Variants in ASIC2 observed in about 807,000 individuals in gnomAD.
The protein encoded by ASIC2 is acid sensing ion channel subunit 2.
ASIC2 carries 25 observed loss-of-function variants against 57.3 expected under a neutral mutation model. That is an observed-to-expected ratio of 0.44 (90% CI 0.32 to 0.61). The LOEUF is 0.61. Ranked by LOEUF, ASIC2 falls within the 20% of genes least tolerant of loss-of-function variation. ASIC2 has a pLI of 0.06. For missense variants in ASIC2, 641 were observed against 738.1 expected (o/e 0.87, Z 1.52); for synonymous variants, 319 against 307.5 (o/e 1.04, Z -0.39).
intron 1 of ASIC2, chr17:34,039,091 T>C: frequency 4.3e-6 from 7 of 1,614,112 alleles, no homozygotes; most frequent in Non-Finnish European, 5.9e-6. Context: ...ATTTAATCGT[T>C]CCTTGTATTT....
intron 1 of ASIC2, among the ~76,000 whole-genome samples, chr17:33,986,479 C>G (rs138065084): frequency 2.0e-5 from 3 of 152,080 alleles, no homozygotes; most frequent in Admixed American, 1.3e-4. Context: ...GAGAATCCAG[C>G]CTTCATTCAT....
At chr17:33,335,819 A>T (rs1428478030) in intron 1 of ASIC2, among the ~76,000 whole-genome samples, 1 of 152,178 alleles carries the variant, frequency 6.6e-6, no homozygotes, top group East Asian at 1.9e-4. Context: ...TTGGGGCCAC[A>T]AGGGTGAATA....
At chr17:33,691,408 T>C (rs1467423719) in intron 1 of ASIC2, among the ~76,000 whole-genome samples, 1 of 152,218 alleles carries the variant, frequency 6.6e-6, no homozygotes, top group Non-Finnish European at 1.5e-5. Context: ...CATTTTTTGC[T>C]TTGCCAGTGT....
At chr17:33,844,608 G>T (rs1913528691) in intron 1 of ASIC2, among the ~76,000 whole-genome samples, 1 of 152,206 alleles carries the variant, frequency 6.6e-6, no homozygotes, top group African/African-American at 2.4e-5. Context: ...AGTCATCTGG[G>T]AATGGAGAGT....
chr17:33,595,701 T>A lies in ASIC2; in HGVS notation c.556-483634A>T, dbSNP rs961064543. 5.3e-5 allele frequency among the ~76,000 whole-genome samples: 8 copies of A among 152,234 alleles called. No homozygotes were observed. The South Asian group carries it at 1.7e-3, about 32-fold the overall frequency. ...GCATCCCTGAGCTTCTGTTTCTTCA[T>A]CTGTAAAAATGGAATAAACACATCT... is the stretch of plus-strand genomic sequence containing the variant. On this transcript the variant is annotated intron_variant, in intron 1 of 9. Transcript: ENST00000359872.
chr17:33,581,200 C>A (rs894818584), intron 1 of ASIC2: 1 of 152,154 alleles, frequency 6.6e-6, no homozygotes, highest in Admixed American at 6.6e-5. Flanking sequence ...ATTCAAAGCA[C>A]AAGGATTCAA....
At chr17:34,054,345 C>G (rs968080189) in intron 1 of ASIC2, among the ~76,000 whole-genome samples, 1 of 152,158 alleles carries the variant, frequency 6.6e-6, no homozygotes, top group Non-Finnish European at 1.5e-5. Flanking sequence ...GTACAAAGCT[C>G]CAAGAGGCTG....
At chr17:33,370,900 C>T (rs948062200) in intron 1 of ASIC2, among the ~76,000 whole-genome samples, 3 of 152,198 alleles carry the variant, frequency 2.0e-5, no homozygotes, top group East Asian at 1.9e-4. Flanking sequence ...CAGTGCAAAG[C>T]GAAAGCAAGT....
intron 1 of ASIC2, among the ~76,000 whole-genome samples, chr17:34,047,208 A>G (rs1458575662): frequency 2.0e-5 from 3 of 152,166 alleles, no homozygotes; most frequent in Admixed American, 6.5e-5. Flanking sequence ...ATTCACACAT[A>G]CATACGTGTA....
chr17:33,773,327 CTA>C (rs1911170937), intron 1 of ASIC2, among the ~76,000 whole-genome samples: 1 of 152,054 alleles, frequency 6.6e-6, no homozygotes, highest in African/African-American at 2.4e-5. Flanking sequence ...TCTTTCCTAA[CTA>C]ATAACTTTTC....
At chr17:33,869,910 T>C (rs1395554033) in intron 1 of ASIC2, among the ~76,000 whole-genome samples, 1 of 152,200 alleles carries the variant, frequency 6.6e-6, no homozygotes, top group Non-Finnish European at 1.5e-5. Context: ...TATATCTCAA[T>C]AAAAGTGTTA....
chr17:33,328,434 C>A (rs936617759), intron 1 of ASIC2, among the ~76,000 whole-genome samples: 2 of 152,160 alleles, frequency 1.3e-5, no homozygotes, highest in Non-Finnish European at 2.9e-5. Context: ...GATCCTCACA[C>A]TTCCTCCTTC....
intron 1 of ASIC2, among the ~76,000 whole-genome samples, chr17:33,599,988 CT>C (rs1462941756): frequency 6.6e-6 from 1 of 152,178 alleles, no homozygotes; most frequent in Non-Finnish European, 1.5e-5. Flanking sequence ...TGTTCAGAAA[CT>C]TAACAGTTCT....
At chr17:33,277,487 C>T (rs751593805) in intron 1 of ASIC2, among the ~76,000 whole-genome samples, 15 of 152,240 alleles carry the variant, frequency 9.9e-5, no homozygotes, top group Admixed American at 3.3e-4. Flanking sequence ...AGATAACAGA[C>T]GTGAAAGATG....
At chr17:33,571,763 G>A (rs1341563471) in intron 1 of ASIC2, among the ~76,000 whole-genome samples, 1 of 152,208 alleles carries the variant, frequency 6.6e-6, no homozygotes, top group African/African-American at 2.4e-5. Flanking sequence ...GATGTTGTCT[G>A]TTTCATTCAA....
chr17:33,287,645 A>G (rs565703572), intron 1 of ASIC2, among the ~76,000 whole-genome samples: 1 of 152,256 alleles, frequency 6.6e-6, no homozygotes, highest in African/African-American at 2.4e-5. Flanking sequence ...GCAACTAAAC[A>G]CATCTCGAGT....
intron 1 of ASIC2, among the ~76,000 whole-genome samples, chr17:34,093,552 T>C (rs1177104314): frequency 6.6e-6 from 1 of 152,246 alleles, no homozygotes; most frequent in Non-Finnish European, 1.5e-5. Flanking sequence ...ACTTATTTCA[T>C]GCTGTAGCTC....
intron 2 of ASIC2, among the ~76,000 whole-genome samples, chr17:33,098,465 A>T (rs2092193504): frequency 6.6e-6 from 1 of 152,206 alleles, no homozygotes; most frequent in South Asian, 2.1e-4. Context: ...TTTTGAAGCT[A>T]GGCAAGCTTC....
At chr17:33,124,812 T>C (rs1187412049) in intron 1 of ASIC2, among the ~76,000 whole-genome samples, 1 of 152,216 alleles carries the variant, frequency 6.6e-6, no homozygotes, top group African/African-American at 2.4e-5. Context: ...TAACTCACCA[T>C]AATGTAGAAT....
Sources: allele counts gnomAD v4.1 joint callset (sites outside exome capture counted in the v4.1 genomes callset), GRCh38; gene constraint gnomAD v4.1.1; transcripts MANE v1.5; gene names NCBI Gene and HGNC (gene_info 2026-07-23, HGNC 2026-07-21).